Variants in ZBTB20 observed in about 807,000 individuals in gnomAD.
ZBTB20 encodes the protein zinc finger and BTB domain-containing protein 20.
Under a neutral mutation model 56.9 loss-of-function variants are expected in ZBTB20, and 9 were observed. The ratio of observed to expected loss-of-function variants is 0.16; its 90% CI spans 0.10 to 0.28. ZBTB20 has a LOEUF of 0.28. Ranked by LOEUF, ZBTB20 falls within the 10% of genes least tolerant of loss-of-function variation. ZBTB20 has a pLI of 1.00. For synonymous variants in ZBTB20, 417 were observed against 420.7 expected (o/e 0.99, Z 0.11); for missense variants, 655 against 1,003.0 (o/e 0.65, Z 4.69).
chr3:114,932,624 A>G (rs751376699), intron 3 of ZBTB20, among the ~76,000 whole-genome samples: 1 of 152,210 alleles, frequency 6.6e-6, no homozygotes, highest in Non-Finnish European at 1.5e-5. Context: ...TGGTTTTCCT[A>G]TCTCACTTAC....
At chr3:115,067,904 G>C (rs1453718265) in intron 2 of ZBTB20, among the ~76,000 whole-genome samples, 1 of 152,010 alleles carries the variant, frequency 6.6e-6, no homozygotes, top group South Asian at 2.1e-4. Context: ...ATACATCCTG[G>C]ACCAGTTATA....
At chr3:114,824,699 A>T (rs1281610783) in intron 4 of ZBTB20, among the ~76,000 whole-genome samples, 1 of 151,932 alleles carries the variant, frequency 6.6e-6, no homozygotes, top group Non-Finnish European at 1.5e-5. Flanking sequence ...AAGACTAATG[A>T]GTCCCAATTT....
intron 5 of ZBTB20, among the ~76,000 whole-genome samples, chr3:114,749,654 T>C (rs1408042960): frequency 5.9e-5 from 9 of 152,124 alleles, no homozygotes; most frequent in African/African-American, 2.2e-4. Flanking sequence ...TGAATTATAC[T>C]ATAAACTTCT....
At chr3:115,055,304 T>G (rs1031894719) in intron 2 of ZBTB20, among the ~76,000 whole-genome samples, 1 of 149,878 alleles carries the variant, frequency 6.7e-6, no homozygotes, top group Non-Finnish European at 1.5e-5. Context: ...GACTTTGTGG[T>G]CAGAAACTGA....
chr3:114,829,869 T>C (rs756364120), intron 4 of ZBTB20, among the ~76,000 whole-genome samples: 1 of 151,874 alleles, frequency 6.6e-6, no homozygotes, highest in African/African-American at 2.4e-5. Context: ...CTGTATATCA[T>C]GTCAAAATTT....
At chr3:114,428,032 G>A (rs1419539606) in intron 7 of ZBTB20, among the ~76,000 whole-genome samples, 4 of 152,144 alleles carry the variant, frequency 2.6e-5, no homozygotes, top group Non-Finnish European at 5.9e-5. Flanking sequence ...TAGAAACCTT[G>A]AGATTTGTTC....
intron 4 of ZBTB20, among the ~76,000 whole-genome samples, chr3:114,885,492 G>A (rs2076568715): frequency 1.3e-5 from 2 of 151,928 alleles, no homozygotes; most frequent in African/African-American, 4.8e-5. Flanking sequence ...GAGATCAACT[G>A]AATTGTAATT....
rs2082898922 is a variant in ZBTB20 at position 115,084,160 on chromosome 3, T to C, written c.-702-12746A>G. ...CCAGTTTACCATAACAATTTACAAA[T>C]TAAAATTATCATCCTTACGATGTTT... On this transcript the variant is annotated intron_variant, in intron 1 of 11. Coordinates refer to ENST00000675478, the MANE Select transcript of ZBTB20 (RefSeq NM_001348800.3). Among the ~76,000 whole-genome samples, 3 of 151,772 alleles carry C rather than the reference T, an allele frequency of 2.0e-5. No individual in the cohort carries two copies. In the South Asian group the frequency reaches 6.2e-4, roughly 31 times the overall value.
chr3:114,743,712 C>T (rs1445634930), intron 5 of ZBTB20: 1 of 154,020 alleles, frequency 6.5e-6, no homozygotes, highest in African/African-American at 2.4e-5. Flanking sequence ...TGTGTCTTAC[C>T]AAACATTGCA....
intron 4 of ZBTB20, among the ~76,000 whole-genome samples, chr3:114,893,193 T>C (rs1560370533): frequency 6.6e-6 from 1 of 152,180 alleles, no homozygotes; most frequent in Non-Finnish European, 1.5e-5. Flanking sequence ...ATGGCAAGTT[T>C]GGCTAAGTCC....
chr3:114,879,078 T>G (rs1409440272), intron 4 of ZBTB20, among the ~76,000 whole-genome samples: 1 of 152,194 alleles, frequency 6.6e-6, no homozygotes, highest in Non-Finnish European at 1.5e-5. Context: ...ACATTATTAA[T>G]TTGGCCTGTT....
intron 6 of ZBTB20, among the ~76,000 whole-genome samples, chr3:114,557,003 T>C (rs1458855273): frequency 1.3e-5 from 2 of 152,066 alleles, no homozygotes; most frequent in East Asian, 3.8e-4. Context: ...AGGGGCACTG[T>C]GTCTTTGAGC....
At chr3:114,410,495 C>T (rs2087830278) in intron 7 of ZBTB20, among the ~76,000 whole-genome samples, 1 of 152,278 alleles carries the variant, frequency 6.6e-6, no homozygotes, top group Non-Finnish European at 1.5e-5. Context: ...TTCTGAGAGA[C>T]ACAGATGGTC....
At chr3:114,790,851 A>G (rs2070912850) in intron 5 of ZBTB20, among the ~76,000 whole-genome samples, 1 of 152,078 alleles carries the variant, frequency 6.6e-6, no homozygotes, top group Admixed American at 6.6e-5. Flanking sequence ...AACTATTTAA[A>G]AGAAGTAATA....
rs553622280 is a variant in ZBTB20, at chr3:114,339,335, C to T, written c.1896G>A (p.Arg632=). 1 of 1,614,096 alleles carries T rather than the reference C, an allele frequency of 6.2e-7. No homozygotes were observed. The highest frequency in any genetic ancestry group is 1.3e-5 in the African/African-American group (1 of 75,024). The change falls in exon 12 of 12, where the codon AGG becomes AGA. Residue 632 remains arginine, a synonymous_variant. Transcript: ENST00000675478. The surrounding 1 kb of genome is among the most constrained non-coding windows in gnomAD (Gnocchi z 4.2). ...TGTTGCAGATACTACACTGGTATGCCCTCACTCCTGTGTGTGTCACCATGT... is the reference window on the plus strand; with the variant it reads ...TGTTGCAGATACTACACTGGTATGCTCTCACTCCTGTGTGTGTCACCATGT... ...IKHMVTHTGV[R]AYQCSICNKR... is the part of the protein sequence containing the mutation.
intron 4 of ZBTB20, among the ~76,000 whole-genome samples, chr3:114,847,057 A>G (rs1259471287): frequency 3.3e-5 from 5 of 152,164 alleles, no homozygotes; most frequent in Admixed American, 3.3e-4. Flanking sequence ...TAGTGATCTG[A>G]GAGAGGAGAA....
chr3:114,443,736 T>C (rs2108980218), intron 7 of ZBTB20, among the ~76,000 whole-genome samples: 1 of 152,224 alleles, frequency 6.6e-6, no homozygotes, highest in Non-Finnish European at 1.5e-5. Flanking sequence ...GCAATAACAA[T>C]AACAACAATG....
At chr3:114,739,456 AG>A (rs764631926) in intron 5 of ZBTB20, among the ~76,000 whole-genome samples, 125 of 152,234 alleles carry the variant, frequency 8.2e-4, no homozygotes, top group Non-Finnish European at 1.2e-3. Context: ...CCACCATCAC[AG>A]GGCCCTGTTT....
intron 10 of ZBTB20, among the ~76,000 whole-genome samples, chr3:114,362,007 A>T (rs1282074220): frequency 6.6e-6 from 1 of 152,204 alleles, no homozygotes; most frequent in Non-Finnish European, 1.5e-5. Flanking sequence ...GGAGACCATC[A>T]TGGACTAAGG....
Sources: allele counts gnomAD v4.1 joint callset (sites outside exome capture counted in the v4.1 genomes callset), GRCh38; gene constraint gnomAD v4.1.1; non-coding constraint Gnocchi (gnomAD v3.1); transcripts MANE v1.5; gene names NCBI Gene and HGNC (gene_info 2026-07-23, HGNC 2026-07-21).